Variants in ATAD2B observed in about 807,000 individuals in gnomAD.
ATAD2B encodes ATPase family AAA domain-containing protein 2B.
In ATAD2B, 40 loss-of-function variants were observed where a neutral mutation model predicts 167.6. The observed-to-expected ratio is 0.24, with a 90% confidence interval of 0.19 to 0.31. The LOEUF is 0.31. Among genes scored for constraint, ATAD2B ranks in the 10% least tolerant of loss-of-function variants. ATAD2B has a pLI of 1.00. For missense variants in ATAD2B, 1,242 were observed against 1,757.2 expected, an observed-to-expected ratio of 0.71 and a Z score of 5.24; for synonymous variants, 579 against 596.5, an observed-to-expected ratio of 0.97 and a Z score of 0.43.
rs530893011 is a variant in ATAD2B, at chr2:23,810,138, C to T, written c.2454+178G>A. Among the ~76,000 whole-genome samples the T allele has an allele frequency of 2.6e-5, 4 of 152,310 alleles. No homozygotes were observed. In the South Asian group the frequency reaches 8.3e-4, roughly 32 times the overall value. ...AAAGACAATGAGCTCACTTAAAAAA[C>T]TGTATGCATCAAAAGGATCCTTTAC... On this transcript the variant is annotated intron_variant, in intron 18 of 27. Transcript: ENST00000238789.
chr2:23,805,806 A>AAAAAAAAAAAAC (rs1553396417), intron 18 of ATAD2B, among the ~76,000 whole-genome samples: 2 of 145,704 alleles, frequency 1.4e-5, no homozygotes, highest in Non-Finnish European at 3.0e-5. Flanking sequence ...AAAAAAAAAA[A>AAAAAAAAAAAAC]AACAAATCTG....
Position 23,838,893 on chromosome 2 carries a change from G to A in ATAD2B, c.1569-4815C>T, listed in dbSNP as rs148279942. ...GAGGCCTTAATAACTAGTAGAGCAA[G>A]TGCTCCCACCTTATAGAAGAAAAGA... On this transcript the variant is annotated intron_variant, in intron 13 of 27. Coordinates refer to ENST00000238789, the MANE Select transcript of ATAD2B (RefSeq NM_017552.4). Among the ~76,000 whole-genome samples the A allele has an allele frequency of 2.0e-3, 311 of 152,130 alleles. 1 individual carries two copies. The highest frequency in any genetic ancestry group is 7.0e-3 in the African/African-American group (289 of 41,522).
At chr2:23,696,466 C>T in the ATAD2B span, 3 of 1,548,664 alleles carry the variant, frequency 1.9e-6, no homozygotes, top group Non-Finnish European at 1.7e-6. This position sits in a 1 kb window ranked among gnomAD's most constrained non-coding sequence, Gnocchi z 5.5. Flanking sequence ...GGAAGATTTA[C>T]ACCCTCGGGG....
intron 1 of ATAD2B, among the ~76,000 whole-genome samples, 175 bp from the exon 2 acceptor site, chr2:23,896,145 G>A (rs1022792805): frequency 1.7e-4 from 24 of 141,912 alleles, no homozygotes; most frequent in African/African-American, 6.0e-4. Context: ...GTGAAACCCC[G>A]CCTCTACCAA....
Position 23,834,009 on chromosome 2 carries a change from A to T in ATAD2B, c.1638T>A (p.Gly546=). 1 of 1,612,762 alleles carries T rather than the reference A, an allele frequency of 6.2e-7. No individual in the cohort carries two copies. The highest frequency in any genetic ancestry group is 8.5e-7 in the Non-Finnish European group (1 of 1,178,936). The change falls in exon 14 of 28, where the codon GGT becomes GGA. Residue 546 remains glycine (G), a synonymous_variant. Coordinates refer to ENST00000238789, the MANE Select transcript of ATAD2B (RefSeq NM_017552.4). ...LDNRGEIVVI[G]ATNRLDSIDP... ...CTATAGAGTCAAGTCTGTTTGTAGCACCAATAACAACAATTTCACCCCTAT... is the reference window on the plus strand; with the variant it reads ...CTATAGAGTCAAGTCTGTTTGTAGCTCCAATAACAACAATTTCACCCCTAT...
rs1410909364 is a variant in ATAD2B, at chr2:23,749,068, A to G, written c.*2978T>C. On this transcript the variant is annotated 3_prime_UTR_variant, in exon 28 of 28. Coordinates refer to ENST00000238789, the MANE Select transcript of ATAD2B (RefSeq NM_017552.4). Reference sequence around the variant, plus strand: ...ACTGAATAGCACCATAGCTGAACCAACTTAATCAAAAAAGGGAAGAAATTA... The same window carrying G: ...ACTGAATAGCACCATAGCTGAACCAGCTTAATCAAAAAAGGGAAGAAATTA... 1 of 152,122 alleles carries G rather than the reference A, an allele frequency of 6.6e-6. No homozygotes were observed. Among genetic ancestry groups the G allele is most frequent in the Non-Finnish European group, 1.5e-5 (1 of 67,994 alleles). The allele number at this position is 152,122 out of a possible 1,614,324, so 9.4% of individuals were successfully genotyped here. A position where few individuals can be genotyped will look rare whatever the true frequency, so the allele number is the denominator to read the frequency against.
chr2:23,799,770 GATGA>G (rs1401850067), intron 18 of ATAD2B: 1 of 151,742 alleles, frequency 6.6e-6, no homozygotes, highest in East Asian at 1.9e-4. Context: ...TAATAAACCA[GATGA>G]AAGAAGCTCA....
chr2:23,831,403 T>G (rs1476849191), intron 14 of ATAD2B, among the ~76,000 whole-genome samples: 1 of 152,204 alleles, frequency 6.6e-6, no homozygotes, highest in Non-Finnish European at 1.5e-5. Flanking sequence ...CTTAATGAAA[T>G]AGCAAGAGTC....
chr2:23,682,580 CTG>C, the ATAD2B span, among the ~76,000 whole-genome samples: 1 of 152,212 alleles, frequency 6.6e-6, no homozygotes, highest in South Asian at 2.1e-4. The surrounding 1 kb of genome is among the most constrained non-coding windows in gnomAD (Gnocchi z 4.1). Context: ...CCAGGCAAGA[CTG>C]TTGCGATCTG....
chr2:23,901,374 T>C (rs1294864659), intron 1 of ATAD2B, among the ~76,000 whole-genome samples: 42 of 151,848 alleles, frequency 2.8e-4, no homozygotes, highest in African/African-American at 9.9e-4. Flanking sequence ...TTTTTTTTCT[T>C]CATGAAATCT....
At chr2:23,836,092 C>G (rs1435825878) in intron 13 of ATAD2B, among the ~76,000 whole-genome samples, 1 of 152,220 alleles carries the variant, frequency 6.6e-6, no homozygotes, top group East Asian at 1.9e-4. Flanking sequence ...TGACTGCGCT[C>G]GGCTCACACT....
At chr2:23,922,483 G>C (rs1388941985) in intron 1 of ATAD2B, among the ~76,000 whole-genome samples, 2 of 144,028 alleles carry the variant, frequency 1.4e-5, no homozygotes, top group East Asian at 2.0e-4. Context: ...TGATAAGAGA[G>C]GAAAAAAAAA....
intron 19 of ATAD2B, among the ~76,000 whole-genome samples, chr2:23,791,583 T>C (rs1359453071): frequency 1.3e-5 from 2 of 152,198 alleles, no homozygotes; most frequent in African/African-American, 4.8e-5. Flanking sequence ...ATGAGCATCT[T>C]TTCATACACT....
chr2:23,703,906 T>G, the ATAD2B span: 1 of 1,514,214 alleles, frequency 6.6e-7, no homozygotes. Flanking sequence ...GACGGAGGAG[T>G]GGGAGGAGGA....
intron 15 of ATAD2B, among the ~76,000 whole-genome samples, chr2:23,825,336 G>C (rs1406803905): frequency 6.6e-6 from 1 of 151,926 alleles, no homozygotes; most frequent in Non-Finnish European, 1.5e-5. Flanking sequence ...TTCAAAGTTA[G>C]GGAAAAACTT....
At chr2:23,741,401 T>C in the ATAD2B span, among the ~76,000 whole-genome samples, 2 of 152,050 alleles carry the variant, frequency 1.3e-5, no homozygotes, top group African/African-American at 4.8e-5. Flanking sequence ...TAATGCCACA[T>C]ATCTACAACT....
intron 6 of ATAD2B, among the ~76,000 whole-genome samples, chr2:23,883,216 G>C (rs930948222): frequency 6.6e-6 from 1 of 151,036 alleles, no homozygotes; most frequent in African/African-American, 2.4e-5. Flanking sequence ...GGAGGTCAAG[G>C]CTGCAGTGAA....
chr2:23,696,591 C>G, the ATAD2B span: 16 of 1,162,764 alleles, frequency 1.4e-5, no homozygotes, highest in Non-Finnish European at 1.9e-5. This position sits in a 1 kb window ranked among gnomAD's most constrained non-coding sequence, Gnocchi z 5.5. Flanking sequence ...CTGTACCTCC[C>G]AACACCCACT....
At chr2:23,719,290 C>T in the ATAD2B span, among the ~76,000 whole-genome samples, 4 of 152,106 alleles carry the variant, frequency 2.6e-5, no homozygotes, top group South Asian at 2.1e-4. Flanking sequence ...AGGACACAAT[C>T]CAAAATGACT....
Sources: gnomAD v4.1 joint callset for allele counts (sites outside exome capture counted in the v4.1 genomes callset) on GRCh38, gnomAD v4.1.1 for gene constraint, Gnocchi (gnomAD v3.1) non-coding constraint, MANE v1.5 for transcripts, NCBI Gene and HGNC (gene_info 2026-07-23, HGNC 2026-07-21) for gene names.